The following TMEM44 variants were observed in gnomAD, a reference collection of about 807,000 sequenced individuals.
TMEM44 encodes the protein transmembrane protein 44.
In TMEM44, 43 loss-of-function variants were observed where a neutral mutation model predicts 47.8. The observed-to-expected ratio is 0.90, with a 90% confidence interval of 0.70 to 1.16. The LOEUF (loss-of-function observed/expected upper bound fraction) is 1.16. Among genes scored for constraint, TMEM44 ranks in the 50% most tolerant of loss-of-function variants. The pLI is 0.00. For missense variants in TMEM44, 568 were observed against 555.2 expected (o/e 1.02, Z -0.23); for synonymous variants, 277 against 238.8 (o/e 1.16, Z -1.48).
intron 9 of TMEM44, among the ~76,000 whole-genome samples, chr3:194,593,304 GCACGT>G (rs1413975598): frequency 2.0e-5 from 3 of 152,084 alleles, no homozygotes; most frequent in African/African-American, 7.2e-5. Context: ...ATGAAGGGCT[GCACGT>G]CCTGGGAAAA....
chr3:194,612,858 G>T (rs1398912706), intron 7 of TMEM44, among the ~76,000 whole-genome samples: 1 of 149,228 alleles, frequency 6.7e-6, no homozygotes, highest in Non-Finnish European at 1.5e-5. Context: ...TAGAGACGGG[G>T]TTTCACTGTG....
At chr3:194,598,591 G>T (rs9839764) in intron 9 of TMEM44, among the ~76,000 whole-genome samples, 1 of 151,868 alleles carries the variant, frequency 6.6e-6, no homozygotes, top group Non-Finnish European at 1.5e-5. Flanking sequence ...GCTGGGAAGC[G>T]ATAGCCCACA....
chr3:194,633,407 C>G lies in TMEM44; in HGVS notation c.-192G>C, dbSNP rs1369846512. The G allele has an allele frequency of 4.8e-5, 8 of 167,310 alleles. No homozygotes were observed. Among genetic ancestry groups the G allele is most frequent in the African/African-American group, 7.2e-5 (3 of 41,642 alleles). The allele number at this position is 167,310 out of a possible 1,614,324, so 10.4% of individuals were successfully genotyped here. A position where few individuals can be genotyped will look rare whatever the true frequency, so the allele number is the denominator to read the frequency against. The stretch of plus-strand genomic sequence containing the variant: ...GCGCGGGCGGCGGCGGCGAAGGCGC[C>G]GGGGAAAAGTTTCCGGGACCGCGCG... On this transcript the variant is annotated 5_prime_UTR_variant, in exon 1 of 10. Transcript: ENST00000347147.
At position 194,625,441 on chromosome 3, in the gene TMEM44, G is replaced by GGGT. The variant is rs1553839336; in HGVS notation, c.358+455_358+456insACC. Among the ~76,000 whole-genome samples, 636 of 129,986 alleles carry GGGT rather than the reference G, an allele frequency of 4.9e-3. 6 individuals are homozygous for GGGT. Among genetic ancestry groups the GGGT allele is most frequent in the South Asian group, 0.02 (71 of 3,500 alleles). The allele number at this position is 129,986 out of a possible 152,430, so 85.3% of individuals were successfully genotyped here. The stretch of plus-strand genomic sequence containing the variant: ...CTCTCCTTCTTTTTTGGGGGGGGGG[G>GGGT]GTTGTTTTTGTTTTTTGTTTTTTTT... On this transcript the variant is annotated intron_variant, in intron 3 of 9. Coordinates refer to ENST00000347147, the MANE Select transcript of TMEM44 (RefSeq NM_001011655.3).
intron 1 of TMEM44, 37 bp from the exon 2 acceptor site, chr3:194,628,546 G>C: frequency 6.4e-7 from 1 of 1,572,136 alleles, no homozygotes; most frequent in Non-Finnish European, 8.7e-7. Context: ...CACAGCAACT[G>C]TGAGTTTGGA....
At chr3:194,621,212 C>T (rs1430777907) in intron 5 of TMEM44, among the ~76,000 whole-genome samples, 1 of 152,026 alleles carries the variant, frequency 6.6e-6, no homozygotes, top group Non-Finnish European at 1.5e-5. Flanking sequence ...CCACGAGAAA[C>T]CCAGGGTTAC....
intron 6 of TMEM44, chr3:194,616,509 A>C (rs1358261002): frequency 2.0e-5 from 9 of 448,874 alleles, no homozygotes; most frequent in Non-Finnish European, 3.6e-5. Context: ...CATGAAGGGC[A>C]AGGCAGAAAT....
rs1404940761 is a variant in TMEM44, at chr3:194,628,365, G to A, written c.264+18C>T. 3 of 1,605,892 alleles carry A rather than the reference G, an allele frequency of 1.9e-6. No homozygotes were observed. Among genetic ancestry groups the A allele is most frequent in the Admixed American group, 3.4e-5 (2 of 58,978 alleles). On this transcript the variant is annotated intron_variant, in intron 2 of 9. Transcript: ENST00000347147. ...TTAGTGCTGGCCTAAGCCACTGTCA[G>A]CTGGAGGCCCAACATACCTGGATTG...
chr3:194,630,431 T>C (rs1401896425), intron 1 of TMEM44, among the ~76,000 whole-genome samples: 1 of 91,298 alleles, frequency 1.1e-5, no homozygotes, highest in Non-Finnish European at 2.0e-5. Context: ...TAATACGCTG[T>C]CGTACTGCCT....
chr3:194,617,339 C>T, intron 5 of TMEM44, 70 bp from the exon 6 acceptor site: 2 of 1,444,698 alleles, frequency 1.4e-6, no homozygotes, highest in Non-Finnish European at 1.8e-6. Flanking sequence ...CTCAGTGGCA[C>T]AGCAGGTTGC....
chr3:194,607,287 T>C (rs920292786), intron 8 of TMEM44, among the ~76,000 whole-genome samples: 1 of 152,194 alleles, frequency 6.6e-6, no homozygotes, highest in African/African-American at 2.4e-5. Flanking sequence ...GTGCAGATGC[T>C]GGCACCACGT....
At chr3:194,626,610 A>G (rs1037879400) in intron 2 of TMEM44, among the ~76,000 whole-genome samples, 5 of 151,818 alleles carry the variant, frequency 3.3e-5, no homozygotes, top group African/African-American at 1.2e-4. Context: ...TAATGAGGAC[A>G]CTCATGTCAT....
chr3:194,588,856 A>C (rs1161033048), intron 9 of TMEM44, among the ~76,000 whole-genome samples: 1 of 152,006 alleles, frequency 6.6e-6, no homozygotes, highest in Non-Finnish European at 1.5e-5. Flanking sequence ...AACCACCCTA[A>C]ACATAACAGC....
intron 1 of TMEM44, among the ~76,000 whole-genome samples, chr3:194,630,422 A>G (rs1347611799): frequency 4.7e-5 from 5 of 106,106 alleles, no homozygotes; most frequent in Admixed American, 1.0e-4. Context: ...CCCCTGAAAT[A>G]ATACGCTGTC....
chr3:194,604,174 A>C, intron 9 of TMEM44, 113 bp downstream of exon 9: 5 of 1,312,516 alleles, frequency 3.8e-6, no homozygotes, highest in African/African-American at 1.5e-5. Flanking sequence ...TTTAGCAGGT[A>C]TGAGGTTAAC....
rs1431880199 is a variant in TMEM44 at position 194,617,259 on chromosome 3, T to C, written c.623A>G (p.Lys208Arg). The C allele has an allele frequency of 6.5e-7, 1 of 1,536,522 alleles. No homozygotes were observed. Among genetic ancestry groups the C allele is most frequent in the Non-Finnish European group, 8.8e-7 (1 of 1,138,862 alleles). Residue 208 changes from lysine to arginine, a missense_variant, in exon 6 of 10, where the codon AAG (lysine) becomes AGG (arginine). Lys to Arg is a conservative substitution (Grantham distance 26). Coordinates refer to ENST00000347147, the MANE Select transcript of TMEM44 (RefSeq NM_001011655.3). Reference protein sequence around the residue: ...IPPLSRICRGKTFPSIHLWTR... With the variant: ...IPPLSRICRGRTFPSIHLWTR... ...CCACAGGTGGATGGAGGGAAATGTC[T>C]TCCCCCGGCACTGGGCAGAGAGAGG...
At chr3:194,603,298 G>T (rs899887495) in intron 9 of TMEM44, among the ~76,000 whole-genome samples, 1 of 152,248 alleles carries the variant, frequency 6.6e-6, no homozygotes, top group Non-Finnish European at 1.5e-5. Flanking sequence ...TGGTGCCCAC[G>T]ACAGGGCCCA....
intron 9 of TMEM44, 83 bp from the exon 10 acceptor site, chr3:194,588,722 C>G: frequency 7.4e-7 from 1 of 1,347,132 alleles, no homozygotes; most frequent in Non-Finnish European, 1.1e-6. Flanking sequence ...CAAACAAAAG[C>G]TCCAATCTTG....
chr3:194,617,662 GGGCA>G (rs1716063807), intron 5 of TMEM44: 1 of 704,058 alleles, frequency 1.4e-6, no homozygotes. Flanking sequence ...ACCTGACGCT[GGGCA>G]GCGGCTCGCC....
Sources: allele counts gnomAD v4.1 joint callset (sites outside exome capture counted in the v4.1 genomes callset), GRCh38; gene constraint gnomAD v4.1.1; transcripts MANE v1.5; gene names NCBI Gene and HGNC (gene_info 2026-07-23, HGNC 2026-07-21).